The following DOP1A variants were observed in gnomAD, a reference collection of about 807,000 sequenced individuals.
The protein encoded by DOP1A is DOP1 leucine zipper like protein A, also known as protein DOP1A.
A neutral mutation model predicts 267.6 loss-of-function variants in DOP1A; 90 were observed. That is an observed-to-expected ratio of 0.34 (90% CI 0.28 to 0.40). The LOEUF (loss-of-function observed/expected upper bound fraction) is 0.40, where lower values mean the gene tolerates loss of function less well. DOP1A is among the 10% of genes least tolerant of loss of function. The pLI, the probability that DOP1A is intolerant of heterozygous loss-of-function variation, is 1.00. For missense variants in DOP1A, 2,437 were observed against 2,900.4 expected, an observed-to-expected ratio of 0.84 and a Z score of 3.67; for synonymous variants, 932 against 999.1, an observed-to-expected ratio of 0.93 and a Z score of 1.27.
rs765139261 is a variant in DOP1A, at chr6:83,110,219, C to T, written c.586C>T (p.Arg196Cys). The change falls in exon 6 of 39, where the codon CGT becomes TGT. Residue 196 changes from arginine to cysteine, a missense_variant. This residue lies in a region of DOP1A where 251 missense variants were observed against 359.1 expected (regional missense o/e 0.70). Coordinates refer to ENST00000349129, the MANE Select transcript of DOP1A (RefSeq NM_015018.4). ...WGSLLTSPAV[R>C]LPGITYVLAH... ...TAGTCTTCTCACCAGTCCTGCTGTG[C>T]GTTTACCTGGAATCACGTATGTTCT... The T allele has an allele frequency of 7.4e-6, 12 of 1,614,040 alleles. No homozygotes were observed. The highest frequency in any genetic ancestry group is 1.7e-5 in the Admixed American group (1 of 60,014).
chr6:83,142,351 T>G (rs1365540401), intron 24 of DOP1A, among the ~76,000 whole-genome samples: 1 of 151,798 alleles, frequency 6.6e-6, no homozygotes, highest in Non-Finnish European at 1.5e-5. Context: ...CTACTAAAAA[T>G]ACAAAAATTA....
chr6:83,165,801 G>C, intron 38 of DOP1A: 1 of 302,388 alleles, frequency 3.3e-6, no homozygotes, highest in Non-Finnish European at 6.6e-6. Context: ...GTCGTGAAAA[G>C]AATTGGGCCC....
intron 17 of DOP1A, 52 bp from the exon 18 acceptor site, chr6:83,132,124 T>C: frequency 6.4e-7 from 1 of 1,571,448 alleles, no homozygotes; most frequent in Non-Finnish European, 8.7e-7. Flanking sequence ...GAAATATTTG[T>C]TAAATTTTCA....
At chr6:83,092,085 CCTTA>C (rs1314264543) in intron 1 of DOP1A, among the ~76,000 whole-genome samples, 3 of 152,028 alleles carry the variant, frequency 2.0e-5, no homozygotes, top group Admixed American at 6.6e-5. Flanking sequence ...GAGTTTATGG[CCTTA>C]CTTGTTTTAG....
chr6:83,170,020 A>G (rs1786763485), downstream of DOP1A, among the ~76,000 whole-genome samples: 1 of 152,254 alleles, frequency 6.6e-6, no homozygotes, highest in Non-Finnish European at 1.5e-5. Context: ...TATAGTGCAT[A>G]AACTAAGTAT....
intron 9 of DOP1A, among the ~76,000 whole-genome samples, chr6:83,120,075 G>T (rs1164897848): frequency 1.3e-5 from 2 of 151,762 alleles, no homozygotes; most frequent in Non-Finnish European, 3.0e-5. Context: ...CTCTTACTTT[G>T]TTGTTTTCAT....
chr6:83,106,013 T>A (rs1162920874), intron 4 of DOP1A, among the ~76,000 whole-genome samples: 1 of 152,228 alleles, frequency 6.6e-6, no homozygotes, highest in African/African-American at 2.4e-5. Flanking sequence ...AATGATACCA[T>A]TGTTCTATAC....
Position 83,113,429 on chromosome 6 carries a change from A to G in DOP1A, c.780+8A>G. The G allele has an allele frequency of 2.5e-6, 4 of 1,606,134 alleles. No individual in the cohort carries two copies. Among genetic ancestry groups the G allele is most frequent in the Non-Finnish European group, 3.4e-6 (4 of 1,173,038 alleles). ...CCATTCCACATGAGTCAGGTAAAAT[A>G]TTAACGCCGATGTTATTATAAGGCA... On this transcript the variant is annotated splice_region_variant and intron_variant, in intron 7 of 38. Coordinates refer to ENST00000349129, the MANE Select transcript of DOP1A (RefSeq NM_015018.4).
chr6:83,137,804 T>C lies in DOP1A; in HGVS notation c.3762T>C (p.Ala1254=), dbSNP rs770461668. Residue 1254 remains alanine, a synonymous_variant, in exon 21 of 39, where the codon GCT becomes GCC. Transcript: ENST00000349129. ...ACACTCTTCATGACTCTTCTGTTGCTTCCATAGAAACCAAATCTAGACAAA... is the reference window on the plus strand; with the variant it reads ...ACACTCTTCATGACTCTTCTGTTGCCTCCATAGAAACCAAATCTAGACAAA... ...TTHTLHDSSV[A]SIETKSRQRS... 6.2e-7 allele frequency: 1 copy of C among 1,613,894 alleles called. No homozygotes were observed. The highest frequency in any genetic ancestry group is 1.7e-5 in the Admixed American group (1 of 59,984).
intron 1 of DOP1A, among the ~76,000 whole-genome samples, chr6:83,072,418 G>A (rs1011949382): frequency 3.9e-5 from 6 of 152,006 alleles, no homozygotes; most frequent in East Asian, 1.9e-4. Flanking sequence ...TTTTTGAGAC[G>A]GGGCTCTGTA....
chr6:83,140,419 T>C lies in DOP1A; in HGVS notation c.5415+16T>C, dbSNP rs1298292253. 6.3e-7 allele frequency: 1 copy of C among 1,581,710 alleles called. No homozygotes were observed. Among genetic ancestry groups the C allele is most frequent in the African/African-American group, 1.3e-5 (1 of 74,180 alleles). ...AGCTACAAAGGTTAGACAATTCATA[T>C]TTAATCTGTAGAGCTCAAGAGTCTG... is the stretch of plus-strand genomic sequence containing the variant. On this transcript the variant is annotated intron_variant, in intron 23 of 38. Transcript: ENST00000349129.
intron 17 of DOP1A, among the ~76,000 whole-genome samples, chr6:83,131,819 T>A (rs1480973959): frequency 6.6e-6 from 1 of 152,160 alleles, no homozygotes. Flanking sequence ...GTATTTTTAG[T>A]AGAGACAAGG....
At chr6:83,153,263 TTC>T in intron 30 of DOP1A, 2 of 267,786 alleles carry the variant, frequency 7.5e-6, no homozygotes, top group Non-Finnish European at 1.4e-5. Flanking sequence ...TTGAACTCTT[TTC>T]TTTTTTGTAC....
intron 9 of DOP1A, among the ~76,000 whole-genome samples, chr6:83,120,322 G>T (rs967225794): frequency 1.3e-5 from 2 of 151,850 alleles, no homozygotes; most frequent in African/African-American, 4.8e-5. Context: ...AGTCACTAAC[G>T]GGAAAATAAT....
At chr6:83,169,860 C>T (rs1341168176), downstream of DOP1A, 5 of 440,332 alleles carry the variant, frequency 1.1e-5, no homozygotes, top group Non-Finnish European at 2.2e-5. Context: ...GAAACAGGCA[C>T]AGAGTAAGGC....
In DOP1A at chr6:83,105,356, C is replaced by CTTTT. The variant is rs70987733; in HGVS notation, c.321-3529_321-3526dup. ...AAGAGAAATGAACATGGATGTCTTTCTTTTTTTTTTTTTTTTTTTTTTTTT... is the reference window on the plus strand; with the variant it reads ...AAGAGAAATGAACATGGATGTCTTTCTTTTTTTTTTTTTTTTTTTTTTTTTTTTT... On this transcript the variant is annotated intron_variant, in intron 4 of 38. Coordinates refer to ENST00000349129, the MANE Select transcript of DOP1A (RefSeq NM_015018.4). 3.6e-3 allele frequency among the ~76,000 whole-genome samples: 238 copies of CTTTT among 65,952 alleles called. 10 individuals carry two copies. Among genetic ancestry groups the CTTTT allele is most frequent in the Non-Finnish European group, 4.0e-3 (143 of 35,546 alleles). 43.3% of individuals were successfully genotyped at this position (65,952 alleles called of 152,430 possible).
chr6:83,109,180 A>T, intron 5 of DOP1A, 100 bp downstream of exon 5: 1 of 1,052,518 alleles, frequency 9.5e-7, no homozygotes, highest in Non-Finnish European at 1.4e-6. Context: ...GAATTATTCT[A>T]GACAGTTCAG....
chr6:83,104,107 T>C (rs139891597), intron 4 of DOP1A, among the ~76,000 whole-genome samples: 2 of 152,322 alleles, frequency 1.3e-5, no homozygotes, highest in African/African-American at 4.8e-5. Flanking sequence ...GCTTGGTATA[T>C]TGCTGCTAGA....
Position 83,138,859 on chromosome 6 carries a change from G to T in DOP1A, c.4817G>T (p.Gly1606Val), listed in dbSNP as rs764909086. 2 of 1,613,970 alleles carry T rather than the reference G, an allele frequency of 1.2e-6. No homozygotes were observed. Among genetic ancestry groups the T allele is most frequent in the Admixed American group, 3.3e-5 (2 of 59,994 alleles). Residue 1606 changes from glycine (G) to valine (V), a missense_variant, in exon 21 of 39, where the codon GGT (glycine) becomes GTT (valine). Physicochemically the swap from Gly to Val is moderately radical, Grantham distance 109. Coordinates refer to ENST00000349129, the MANE Select transcript of DOP1A (RefSeq NM_015018.4). ...VMTIPEENET[G>V]FDFVVSDLEH... ...ACTATTCCTGAAGAGAATGAAACAG[G>T]TTTTGATTTTGTTGTATCTGACTTA...
Sources: gnomAD v4.1 joint callset for allele counts (sites outside exome capture counted in the v4.1 genomes callset) on GRCh38, gnomAD v4.1.1 for gene constraint, gnomAD v4.1.1 regional missense constraint, MANE v1.5 for transcripts, NCBI Gene and HGNC (gene_info 2026-07-23, HGNC 2026-07-21) for gene names.